TOM1: variants seen among roughly 807,000 people sequenced by gnomAD.
TOM1 encodes target of myb1 membrane trafficking protein, also known as target of Myb protein 1.
TOM1 carries 38 observed loss-of-function variants against 61.3 expected under a neutral mutation model. The ratio of observed to expected loss-of-function variants is 0.62; its 90% CI spans 0.48 to 0.81. The LOEUF is 0.81. TOM1 is among the 40% of genes least tolerant of loss of function. The probability of loss-of-function intolerance (pLI) is 0.00; values close to 1 mark genes in which losing one functional copy is unlikely to be tolerated. For missense variants in TOM1, 591 were observed against 659.6 expected, an observed-to-expected ratio of 0.90 and a Z score of 1.14; for synonymous variants, 270 against 268.8, an observed-to-expected ratio of 1.00 and a Z score of -0.04.
intron 12 of TOM1, chr22:35,345,509 C>G (rs1325443755): frequency 1.7e-6 from 1 of 600,606 alleles, no homozygotes; most frequent in Non-Finnish European, 3.0e-6. Flanking sequence ...GGCCCTGCTC[C>G]AGCTGCTGGG....
upstream of TOM1, chr22:35,299,526 ACTAAGGGCTATGACC>A (rs1376673751): frequency 4.8e-6 from 1 of 209,490 alleles, no homozygotes; most frequent in African/African-American, 2.4e-5. Flanking sequence ...GGTCCCAAGG[ACTAAGGGCTATGACC>A]CTAAGAGTCT....
At position 35,326,142 on chromosome 22, in the gene TOM1, T is replaced by C. The variant is rs192711410; in HGVS notation, c.649-1129T>C. 7.9e-5 allele frequency among the ~76,000 whole-genome samples: 12 copies of C among 152,352 alleles called. No individual in the cohort carries two copies. In the East Asian group the frequency reaches 1.5e-3, roughly 20 times the overall value. ...ATATATGTTCAATGCTTGGCACTTA[T>C]TAGGTAGTCTATAAATGGTAGCTGC... is the stretch of plus-strand genomic sequence containing the variant. On this transcript the variant is annotated intron_variant, in intron 6 of 14. Transcript: ENST00000449058.
chr22:35,304,160 C>G (rs374981805), intron 1 of TOM1, among the ~76,000 whole-genome samples: 1 of 152,290 alleles, frequency 6.6e-6, no homozygotes, highest in African/African-American at 2.4e-5. Flanking sequence ...AGGTCAGAAT[C>G]CAGACCCAGG....
intron 12 of TOM1, 50 bp downstream of exon 12, chr22:35,338,838 AG>A: frequency 6.7e-7 from 1 of 1,495,018 alleles, no homozygotes. Context: ...GAAGGAGGTG[AG>A]GGAATGCTCA....
intron 2 of TOM1, chr22:35,321,654 C>T (rs756865303): frequency 2.9e-5 from 14 of 482,526 alleles, no homozygotes; most frequent in Non-Finnish European, 5.4e-5. Context: ...CTGCCTCAGC[C>T]TCCCAAAGTC....
chr22:35,317,983 G>A (rs995523097), intron 2 of TOM1, 22 bp downstream of exon 2: 5 of 1,596,450 alleles, frequency 3.1e-6, no homozygotes, highest in Non-Finnish European at 4.3e-6. Flanking sequence ...CCAAGGAGAG[G>A]TTGGGGGCAG....
Position 35,323,872 on chromosome 22 carries a change from C to T in TOM1, c.606C>T (p.Pro202=). Residue 202 remains proline (P), a synonymous_variant, in exon 6 of 15, where the codon CCC becomes CCT. Coordinates refer to ENST00000449058, the MANE Select transcript of TOM1 (RefSeq NM_005488.3). The surrounding 1 kb of genome is among the most constrained non-coding windows in gnomAD (Gnocchi z 4.2). ...GQHAAPLPAP[P]ILSGDTPIAP... is the part of the protein sequence containing the mutation. ...ATGCTGCCCCTCTGCCCGCCCCGCC[C>T]ATACTCTCCGGTGACACGCCCATAG... 1.9e-6 allele frequency: 3 copies of T among 1,605,120 alleles called. No individual in the cohort carries two copies. The highest frequency in any genetic ancestry group is 2.6e-6 in the Non-Finnish European group (3 of 1,175,630).
intron 2 of TOM1, 45 bp downstream of exon 2, chr22:35,318,006 C>A: frequency 1.4e-6 from 2 of 1,472,546 alleles, no homozygotes; most frequent in Non-Finnish European, 1.9e-6. Flanking sequence ...ACGGCCATCC[C>A]ACCACGCAGC....
intron 1 of TOM1, among the ~76,000 whole-genome samples, chr22:35,310,770 CAGTT>C (rs1340792656): frequency 1.3e-5 from 2 of 152,178 alleles, no homozygotes; most frequent in East Asian, 1.9e-4. Flanking sequence ...CTGGGGTAGA[CAGTT>C]AGTCCATTTG....
chr22:35,318,889 C>T (rs532343879), intron 2 of TOM1, among the ~76,000 whole-genome samples: 1 of 152,348 alleles, frequency 6.6e-6, no homozygotes, highest in South Asian at 2.1e-4. Context: ...TGCAGGGTTC[C>T]TCTCAGCCCG....
At chr22:35,320,916 G>A (rs560284587) in intron 2 of TOM1, among the ~76,000 whole-genome samples, 69 of 145,284 alleles carry the variant, frequency 4.7e-4, no homozygotes, top group Admixed American at 8.6e-4. Flanking sequence ...CAGGAGTTCC[G>A]GGCTACAGCG....
rs777306500 is a variant in TOM1 at position 35,333,545 on chromosome 22, T to C, written c.1027+48T>C. ...CAGCTGAGGGTACATTATGGTACTG[T>C]GGGCACCCCTGCAGATTTTCGGGGT... On this transcript the variant is annotated intron_variant, in intron 10 of 14. Transcript: ENST00000449058. 7 of 1,560,616 alleles carry C rather than the reference T, an allele frequency of 4.5e-6. No homozygotes were observed. The South Asian group carries it at 7.8e-5, about 17-fold the overall frequency.
In TOM1 at chr22:35,317,978, G is replaced by T; in HGVS notation, c.137+17G>T. 6.2e-7 allele frequency: 1 copy of T among 1,605,246 alleles called. No individual in the cohort carries two copies. Among genetic ancestry groups the T allele is most frequent in the Non-Finnish European group, 8.5e-7 (1 of 1,171,964 alleles). On this transcript the variant is annotated intron_variant, in intron 2 of 14. Coordinates refer to ENST00000449058, the MANE Select transcript of TOM1 (RefSeq NM_005488.3). ...GGAGGAAGGGTAAGGGCCCCCCAAG[G>T]AGAGGTTGGGGGCAGAGACGGCCAT...
At chr22:35,342,358 C>T (rs1020955050) in intron 12 of TOM1, among the ~76,000 whole-genome samples, 4 of 152,018 alleles carry the variant, frequency 2.6e-5, no homozygotes, top group East Asian at 1.9e-4. Context: ...CACAGGGTGA[C>T]GGGCTGGGAG....
chr22:35,325,137 A>T (rs1490496854), intron 6 of TOM1, among the ~76,000 whole-genome samples: 1 of 152,230 alleles, frequency 6.6e-6, no homozygotes, highest in Admixed American at 6.5e-5. Context: ...CACCCACGTT[A>T]AAGGTGTTGT....
chr22:35,345,951 C>T (rs554025992), intron 13 of TOM1, among the ~76,000 whole-genome samples, 167 bp downstream of exon 13: 14 of 152,354 alleles, frequency 9.2e-5, no homozygotes, highest in East Asian at 7.7e-4. Context: ...GTGTTTGGCA[C>T]GCCCCCCAGA....
At chr22:35,345,353 T>G in intron 12 of TOM1, 1 of 283,050 alleles carries the variant, frequency 3.5e-6, no homozygotes, top group Non-Finnish European at 7.0e-6. Context: ...TGGCGTGTCT[T>G]TTGTCAGATG....
At chr22:35,311,599 C>A (rs913974978) in intron 1 of TOM1, among the ~76,000 whole-genome samples, 1 of 152,250 alleles carries the variant, frequency 6.6e-6, no homozygotes, top group African/African-American at 2.4e-5. Flanking sequence ...GTAATGCCCC[C>A]CTCTGCTCTG....
chr22:35,301,811 C>CT (rs4463), intron 1 of TOM1, among the ~76,000 whole-genome samples: 77,841 of 151,896 alleles, frequency 0.51, 22,788 homozygotes, highest in Non-Finnish European at 0.65. Context: ...CTGCCCTCCC[C>CT]GGACACACAC....
Sources: gnomAD v4.1 joint callset for allele counts (sites outside exome capture counted in the v4.1 genomes callset) on GRCh38, gnomAD v4.1.1 for gene constraint, Gnocchi (gnomAD v3.1) non-coding constraint, MANE v1.5 for transcripts, NCBI Gene and HGNC (gene_info 2026-07-23, HGNC 2026-07-21) for gene names.